The following CCSER1 variants were observed in gnomAD, a reference collection of about 807,000 sequenced individuals.
The protein encoded by CCSER1 is coiled-coil serine rich protein 1, also known as serine-rich coiled-coil domain-containing protein 1.
Under a neutral mutation model 82.0 loss-of-function variants are expected in CCSER1, and 41 were observed. That is an observed-to-expected ratio of 0.50 (90% CI 0.39 to 0.65). The LOEUF (loss-of-function observed/expected upper bound fraction) is 0.65, where lower values mean the gene tolerates loss of function less well. Ranked by LOEUF, CCSER1 falls within the 30% of genes least tolerant of loss-of-function variation. The probability of loss-of-function intolerance (pLI) is 0.00; values close to 1 mark genes in which losing one functional copy is unlikely to be tolerated. For synonymous variants in CCSER1, 414 were observed against 383.9 expected (o/e 1.08, Z -0.92); for missense variants, 1,119 against 1,064.2 (o/e 1.05, Z -0.72).
At chr4:90,155,073 A>G (rs1355342804) in intron 1 of CCSER1, among the ~76,000 whole-genome samples, 10 of 152,168 alleles carry the variant, frequency 6.6e-5, no homozygotes, top group Non-Finnish European at 2.9e-5. Context: ...TAATTTATTG[A>G]CAGTTTTTAG....
At chr4:90,219,271 A>T (rs765902729) in intron 1 of CCSER1, among the ~76,000 whole-genome samples, 2 of 152,202 alleles carry the variant, frequency 1.3e-5, no homozygotes, top group Non-Finnish European at 2.9e-5. Context: ...GAACAATGTC[A>T]TTGGTAATTC....
intron 10 of CCSER1, among the ~76,000 whole-genome samples, chr4:91,237,828 C>T (rs952389512): frequency 2.0e-5 from 3 of 152,028 alleles, no homozygotes; most frequent in African/African-American, 7.3e-5. Context: ...TTCTTCTCTC[C>T]CTAGAATCTT....
At chr4:91,397,214 C>G (rs1259388188) in intron 10 of CCSER1, among the ~76,000 whole-genome samples, 3 of 151,988 alleles carry the variant, frequency 2.0e-5, no homozygotes, top group Admixed American at 6.6e-5. Context: ...AGACTGAGTA[C>G]TACTATGTAT....
At chr4:91,383,558 G>T (rs980373156) in intron 10 of CCSER1, among the ~76,000 whole-genome samples, 3 of 151,972 alleles carry the variant, frequency 2.0e-5, no homozygotes, top group African/African-American at 7.3e-5. Flanking sequence ...AAGAGTTTAG[G>T]ATAAATAGTT....
chr4:90,683,528 A>G (rs1299900287), intron 6 of CCSER1, among the ~76,000 whole-genome samples: 2 of 152,078 alleles, frequency 1.3e-5, no homozygotes, highest in African/African-American at 4.8e-5. Context: ...AATTGCTAAA[A>G]AGCTTAATTA....
At chr4:91,175,605 GCTGCATAAATGT>G (rs1733251105) in intron 10 of CCSER1, among the ~76,000 whole-genome samples, 2 of 152,102 alleles carry the variant, frequency 1.3e-5, no homozygotes, top group Admixed American at 1.3e-4. Context: ...GTGTCTGTTG[GCTGCATAAATGT>G]CTTCTTTTGA....
At chr4:91,494,221 A>C (rs1054713873) in intron 10 of CCSER1, among the ~76,000 whole-genome samples, 1 of 151,886 alleles carries the variant, frequency 6.6e-6, no homozygotes, top group African/African-American at 2.4e-5. Context: ...TACCAGTGTC[A>C]GGTATTTTGT....
chr4:90,501,254 G>A (rs1769824502), intron 5 of CCSER1, among the ~76,000 whole-genome samples: 1 of 152,084 alleles, frequency 6.6e-6, no homozygotes, highest in South Asian at 2.1e-4. Context: ...TTTCATAGTA[G>A]TAATAGAATG....
At chr4:90,206,897 G>T (rs906584915) in intron 1 of CCSER1, among the ~76,000 whole-genome samples, 3 of 151,952 alleles carry the variant, frequency 2.0e-5, no homozygotes, top group African/African-American at 4.8e-5. Flanking sequence ...AGGATAGTTA[G>T]CTTTTCTTGT....
chr4:90,148,119 T>A lies in CCSER1; in HGVS notation c.-42+20288T>A, dbSNP rs12331153. 9.3e-4 allele frequency among the ~76,000 whole-genome samples: 142 copies of A among 152,236 alleles called. 1 individual carries two copies. The highest frequency in any genetic ancestry group is 4.7e-4 in the Non-Finnish European group (32 of 67,996). ...GGTGGAGGTTGCAGTGAGCCAAGAT[T>A]GAGCCACTGCACTCCAGCCTGGGCT... On this transcript the variant is annotated intron_variant, in intron 1 of 10. Transcript: ENST00000509176.
chr4:90,337,765 T>C (rs949801668), intron 3 of CCSER1, among the ~76,000 whole-genome samples: 1 of 152,172 alleles, frequency 6.6e-6, no homozygotes, highest in Admixed American at 6.5e-5. Flanking sequence ...TATTTTCAGA[T>C]AATAGTATTT....
chr4:91,397,371 A>G (rs17018459), intron 10 of CCSER1, among the ~76,000 whole-genome samples: 9,020 of 152,166 alleles, frequency 0.059, 868 homozygotes, highest in African/African-American at 0.2. Flanking sequence ...TGTACCTAAC[A>G]TAGCCTTTAT....
At chr4:90,748,481 A>G (rs1436281736) in intron 7 of CCSER1, among the ~76,000 whole-genome samples, 3 of 148,996 alleles carry the variant, frequency 2.0e-5, no homozygotes, top group African/African-American at 2.4e-5. Flanking sequence ...ATTGTGAATA[A>G]TGCCACAATA....
chr4:90,453,373 A>G (rs1761741916), intron 4 of CCSER1, among the ~76,000 whole-genome samples: 1 of 152,120 alleles, frequency 6.6e-6, no homozygotes, highest in African/African-American at 2.4e-5. Context: ...GGGTTTTTGT[A>G]TCCCCAATAT....
intron 5 of CCSER1, among the ~76,000 whole-genome samples, chr4:90,550,326 T>C (rs772871873): frequency 3.9e-5 from 6 of 152,228 alleles, no homozygotes; most frequent in Non-Finnish European, 8.8e-5. Context: ...GGAAATTCTC[T>C]AAGAGGAAAA....
At chr4:91,336,244 G>A (rs1747318356) in intron 10 of CCSER1, among the ~76,000 whole-genome samples, 1 of 151,984 alleles carries the variant, frequency 6.6e-6, no homozygotes. Context: ...TATGCACCTT[G>A]CATACATAAT....
chr4:90,781,670 C>T (rs2149612673), intron 7 of CCSER1: 1 of 972,694 alleles, frequency 1.0e-6, no homozygotes, highest in African/African-American at 1.8e-5. Flanking sequence ...ATTAAGCAAT[C>T]CTGGCTTTAG....
At chr4:90,393,753 A>G (rs180988766) in intron 3 of CCSER1, among the ~76,000 whole-genome samples, 6 of 150,092 alleles carry the variant, frequency 4.0e-5, no homozygotes, top group Admixed American at 3.3e-4. Flanking sequence ...AACCGACTTT[A>G]TACAATAGTT....
At chr4:90,849,159 A>G (rs1763547843) in intron 8 of CCSER1, among the ~76,000 whole-genome samples, 2 of 152,206 alleles carry the variant, frequency 1.3e-5, no homozygotes, top group Non-Finnish European at 2.9e-5. Flanking sequence ...AACTGTTTGG[A>G]GGGCTCAGAA....
Sources: allele counts gnomAD v4.1 joint callset (sites outside exome capture counted in the v4.1 genomes callset), GRCh38; gene constraint gnomAD v4.1.1; transcripts MANE v1.5; gene names NCBI Gene and HGNC (gene_info 2026-07-23, HGNC 2026-07-21).